KCNMA1: variants seen among roughly 807,000 people sequenced by gnomAD.
KCNMA1 encodes potassium calcium-activated channel subfamily M alpha 1.
Under a neutral mutation model 140.0 loss-of-function variants are expected in KCNMA1, and 29 were observed. The ratio of observed to expected loss-of-function variants is 0.21; its 90% confidence interval spans 0.15 to 0.28. The LOEUF (loss-of-function observed/expected upper bound fraction) is 0.28. Among genes scored for constraint, KCNMA1 ranks in the 10% least tolerant of loss-of-function variants. KCNMA1 has a pLI of 1.00. For synonymous variants in KCNMA1, 612 were observed against 611.9 expected (o/e 1.00, Z 0.00); for missense variants, 880 against 1,602.2 (o/e 0.55, Z 7.70).
chr10:77,181,601 C>T (rs1258517494), intron 5 of KCNMA1, among the ~76,000 whole-genome samples: 1 of 152,168 alleles, frequency 6.6e-6, no homozygotes, highest in Admixed American at 6.5e-5. Context: ...ATTGAGCTCC[C>T]AGGTCACAAA....
At chr10:77,397,097 C>T (rs1227899274) in intron 2 of KCNMA1, among the ~76,000 whole-genome samples, 1 of 152,120 alleles carries the variant, frequency 6.6e-6, no homozygotes, top group Non-Finnish European at 1.5e-5. Context: ...TGAATATGAA[C>T]ATGCAGAAAC....
rs145585419 is a variant in KCNMA1, at chr10:77,474,046, C to T, written c.379-70023G>A. On this transcript the variant is annotated intron_variant, in intron 1 of 27. Coordinates refer to ENST00000286628, the MANE Select transcript of KCNMA1 (RefSeq NM_001161352.2). Reference sequence around the variant, plus strand: ...GTGGGTGGGCAGTCTCTCTGCTTCCCTCTCTCTAATGTCCCTGAGACACTC... The same window carrying T: ...GTGGGTGGGCAGTCTCTCTGCTTCCTTCTCTCTAATGTCCCTGAGACACTC... Among the ~76,000 whole-genome samples, 335 of 152,296 alleles carry T rather than the reference C, an allele frequency of 2.2e-3. 1 individual carries two copies. The highest frequency in any genetic ancestry group is 7.6e-3 in the African/African-American group (315 of 41,572).
At position 77,634,149 on chromosome 10, in the gene KCNMA1, G is replaced by A. The variant is rs115477833; in HGVS notation, c.378+3116C>T. ...TCATGGCTTTATTCAGGCTACCAGA[G>A]CAGCTCCCTATTCAATATAGTCTAT... On this transcript the variant is annotated intron_variant, in intron 1 of 27. Coordinates refer to ENST00000286628, the MANE Select transcript of KCNMA1 (RefSeq NM_001161352.2). 269 of 985,288 alleles carry A rather than the reference G, an allele frequency of 2.7e-4. No homozygotes were observed. In the African/African-American group the frequency reaches 4.3e-3, roughly 16 times the overall value. The allele number at this position is 985,288 out of a possible 1,614,324, so 61.0% of individuals were successfully genotyped here.
chr10:77,219,714 G>A (rs1382123847), intron 3 of KCNMA1, among the ~76,000 whole-genome samples: 1 of 152,126 alleles, frequency 6.6e-6, no homozygotes, highest in Non-Finnish European at 1.5e-5. Flanking sequence ...CTGCCTCCCG[G>A]GTTCAAGCAA....
At chr10:77,632,645 A>G (rs150924271) in intron 1 of KCNMA1, among the ~76,000 whole-genome samples, 1 of 152,262 alleles carries the variant, frequency 6.6e-6, no homozygotes, top group Non-Finnish European at 1.5e-5. Flanking sequence ...TGGTTTTTTG[A>G]TCTATGACAG....
intron 5 of KCNMA1, among the ~76,000 whole-genome samples, chr10:77,165,558 C>T (rs2098631599): frequency 6.6e-6 from 1 of 152,182 alleles, no homozygotes; most frequent in African/African-American, 2.4e-5. Flanking sequence ...ATAATGCAAA[C>T]AATTGAAGAC....
intron 19 of KCNMA1, 30 bp from the exon 20 acceptor site, chr10:76,970,097 G>A: frequency 2.5e-6 from 4 of 1,577,976 alleles, no homozygotes; most frequent in Non-Finnish European, 3.5e-6. Context: ...ATGAGATTAT[G>A]AACAGTTTGA....
At chr10:77,050,867 C>T (rs1220423082) in intron 14 of KCNMA1, among the ~76,000 whole-genome samples, 1 of 152,132 alleles carries the variant, frequency 6.6e-6, no homozygotes, top group Non-Finnish European at 1.5e-5. Context: ...ATATTGGAGC[C>T]AGTTACAGAG....
At chr10:77,107,747 C>A (rs1043526227) in intron 9 of KCNMA1, among the ~76,000 whole-genome samples, 1 of 152,150 alleles carries the variant, frequency 6.6e-6, no homozygotes, top group African/African-American at 2.4e-5. Flanking sequence ...CTATTTCTTG[C>A]CCGGAAGGAA....
chr10:77,025,474 A>G (rs570877382), intron 16 of KCNMA1: 2 of 1,593,428 alleles, frequency 1.3e-6, no homozygotes, highest in African/African-American at 1.3e-5. Context: ...AACGACAAGA[A>G]AAGAATTTAA....
chr10:76,879,097 C>T (rs576015432), intron 29 of KCNMA1, among the ~76,000 whole-genome samples: 8 of 151,822 alleles, frequency 5.3e-5, no homozygotes, highest in African/African-American at 1.2e-4. Flanking sequence ...TGATAGGGGG[C>T]GTTGGGGGTG....
chr10:77,215,470 A>C (rs1468239072), intron 3 of KCNMA1, among the ~76,000 whole-genome samples: 1 of 113,976 alleles, frequency 8.8e-6, no homozygotes, highest in Non-Finnish European at 1.9e-5. Flanking sequence ...TTATTGTTTT[A>C]CTTATTTACA....
intron 5 of KCNMA1, among the ~76,000 whole-genome samples, chr10:77,152,999 A>G (rs996215646): frequency 1.3e-5 from 2 of 152,176 alleles, no homozygotes; most frequent in African/African-American, 4.8e-5. Context: ...GGAGCCATGC[A>G]TCAGGTAGAA....
chr10:77,000,161 C>T (rs1348061833), intron 19 of KCNMA1, among the ~76,000 whole-genome samples: 1 of 152,182 alleles, frequency 6.6e-6, no homozygotes, highest in African/African-American at 2.4e-5. Context: ...CAGCTCTGAG[C>T]ACTTGGAAGG....
intron 22 of KCNMA1, among the ~76,000 whole-genome samples, chr10:76,947,843 T>G (rs559974384): frequency 2.8e-4 from 43 of 152,228 alleles, no homozygotes; most frequent in Non-Finnish European, 5.6e-4. Flanking sequence ...GGATAGATTC[T>G]TGTGTGTTCT....
intron 5 of KCNMA1, among the ~76,000 whole-genome samples, chr10:77,173,609 C>G (rs962432305): frequency 2.0e-5 from 3 of 152,112 alleles, no homozygotes; most frequent in African/African-American, 7.2e-5. Flanking sequence ...TCTCAAACCC[C>G]CCAACCCCCA....
intron 1 of KCNMA1, among the ~76,000 whole-genome samples, chr10:77,614,881 G>A (rs1388324185): frequency 6.6e-6 from 1 of 152,146 alleles, no homozygotes; most frequent in African/African-American, 2.4e-5. Context: ...CCCAGGTATG[G>A]GACAAGTTGC....
At chr10:77,496,384 C>G (rs1013517401) in intron 1 of KCNMA1, among the ~76,000 whole-genome samples, 2 of 152,084 alleles carry the variant, frequency 1.3e-5, no homozygotes, top group African/African-American at 4.8e-5. Flanking sequence ...ATCACAAGGT[C>G]AGGAGATCGA....
intron 17 of KCNMA1, among the ~76,000 whole-genome samples, chr10:77,014,914 G>C (rs1404658150): frequency 6.6e-6 from 1 of 152,130 alleles, no homozygotes; most frequent in African/African-American, 2.4e-5. Flanking sequence ...ACCTGCACCT[G>C]AGCAACGGAG....
Sources: allele counts gnomAD v4.1 joint callset (sites outside exome capture counted in the v4.1 genomes callset), GRCh38; gene constraint gnomAD v4.1.1; transcripts MANE v1.5; gene names NCBI Gene and HGNC (gene_info 2026-07-23, HGNC 2026-07-21).